The following PRG2 variants were observed in gnomAD, a reference collection of about 807,000 sequenced individuals.
PRG2 encodes the protein bone marrow proteoglycan.
A neutral mutation model predicts 24.7 loss-of-function variants in PRG2; 23 were observed. The observed-to-expected ratio is 0.93, with a 90% CI of 0.67 to 1.32. The LOEUF is 1.32. PRG2 is among the 40% of genes most tolerant of loss of function. PRG2 has a pLI of 0.00. For missense variants in PRG2, 271 were observed against 280.9 expected (o/e 0.96, Z 0.25); for synonymous variants, 104 against 99.8 (o/e 1.04, Z -0.25).
intron 4 of PRG2, among the ~76,000 whole-genome samples, chr11:57,388,166 TTTTA>T (rs746597872): frequency 4.0e-5 from 6 of 151,762 alleles, no homozygotes; most frequent in African/African-American, 7.2e-5. Flanking sequence ...TTTTTTTTTA[TTTTA>T]TTTATTTATT....
At chr11:57,389,757 T>C (rs1857122187) in intron 2 of PRG2, 130 bp downstream of exon 2, 8 of 819,378 alleles carry the variant, frequency 9.8e-6, no homozygotes, top group East Asian at 5.3e-5. Flanking sequence ...AGAGTCCCCA[T>C]CCCTTTAAGC....
intron 3 of PRG2, 30 bp from the exon 4 acceptor site, chr11:57,388,738 G>C (rs755042487): frequency 1.9e-6 from 3 of 1,610,618 alleles, no homozygotes; most frequent in Non-Finnish European, 1.7e-6. Flanking sequence ...ACAAAGAATG[G>C]AGCATCCTTC....
At position 57,389,098 on chromosome 11, in the gene PRG2, T is replaced by C; in HGVS notation, c.278A>G (p.Glu93Gly). Residue 93 changes from glutamate (E) to glycine (G), a missense_variant, in exon 3 of 6, where the codon GAG becomes GGG. By Grantham distance (98) the Glu-to-Gly change is moderately conservative. Transcript: ENST00000311862. ...GATGCCCACCACTTTTACTGTGTCC[T>C]CTTCCTCAGGACACGTAAGGTTTTT... Reference protein sequence around the residue: ...VDKNLTCPEEEDTVKVVGIPG... With the variant: ...VDKNLTCPEEGDTVKVVGIPG... 1 of 1,614,204 alleles carries C rather than the reference T, an allele frequency of 6.2e-7. No individual in the cohort carries two copies. The highest frequency in any genetic ancestry group is 8.5e-7 in the Non-Finnish European group (1 of 1,180,042).
intron 5 of PRG2, 51 bp downstream of exon 5, chr11:57,387,703 C>T (rs1485381383): frequency 2.1e-6 from 3 of 1,458,806 alleles, no homozygotes; most frequent in Non-Finnish European, 2.8e-6. Flanking sequence ...CTCCTTGGGG[C>T]ACTTCCCATC....
intron 3 of PRG2, 68 bp downstream of exon 3, chr11:57,388,942 G>A: frequency 1.3e-6 from 2 of 1,543,134 alleles, no homozygotes; most frequent in South Asian, 2.5e-5. Context: ...GCCAGTGATA[G>A]CAATGCTGGG....
At position 57,388,678 on chromosome 11, in the gene PRG2, G is replaced by T; in HGVS notation, c.397C>A (p.Leu133Met). The change falls in exon 4 of 6, where the codon CTG (leucine) becomes ATG (methionine). Residue 133 changes from leucine (L) to methionine (M), a missense_variant. Transcript: ENST00000311862. ...FTCRRCYRGNLVSIHNFNINY... is the reference protein window; with the variant it reads ...FTCRRCYRGNMVSIHNFNINY... ...ATATTGAAGTTGTGGATGGAAACCA[G>T]GTTGCCCCTGTAGCACCTCCGGCAA... 2 of 1,614,078 alleles carry T rather than the reference G, an allele frequency of 1.2e-6. No individual in the cohort carries two copies. The highest frequency in any genetic ancestry group is 2.2e-5 in the South Asian group (2 of 91,080).
In PRG2 at chr11:57,389,337, A is replaced by T; in HGVS notation, c.59-20T>A. On this transcript the variant is annotated intron_variant, in intron 2 of 5. Coordinates refer to ENST00000311862, the MANE Select transcript of PRG2 (RefSeq NM_002728.6). ...CAGACCCTGGCAGGGAGGATAGCTA[A>T]GTGTCCTTCCTTCACATCTCCCCTT... 6.2e-7 allele frequency: 1 copy of T among 1,602,128 alleles called. No individual in the cohort carries two copies. The highest frequency in any genetic ancestry group is 8.5e-7 in the Non-Finnish European group (1 of 1,177,110).
rs752417300 is a variant in PRG2, at chr11:57,388,679, G to A, written c.396C>T (p.Asn132=). Residue 132 remains asparagine, a synonymous_variant, in exon 4 of 6, where the codon AAC becomes AAT. Transcript: ENST00000311862. ...TATTGAAGTTGTGGATGGAAACCAG[G>A]TTGCCCCTGTAGCACCTCCGGCAAG... ...WFTCRRCYRG[N]LVSIHNFNIN... is the part of the protein sequence containing the mutation. 2 of 1,614,070 alleles carry A rather than the reference G, an allele frequency of 1.2e-6. No individual in the cohort carries two copies. Among genetic ancestry groups the A allele is most frequent in the Non-Finnish European group, 1.7e-6 (2 of 1,179,974 alleles).
At chr11:57,387,971 C>G (rs1305797565) in intron 4 of PRG2, 106 bp from the exon 5 acceptor site, 1 of 774,566 alleles carries the variant, frequency 1.3e-6, no homozygotes, top group African/African-American at 1.8e-5. Context: ...GGCAATGGGC[C>G]CTTCCCTGCT....
chr11:57,388,788 TTCCC>T, intron 3 of PRG2, 80 bp from the exon 4 acceptor site: 1 of 1,555,570 alleles, frequency 6.4e-7, no homozygotes. Flanking sequence ...CCACAATTCA[TTCCC>T]TCCCTCCCCT....
rs1209569841 is a variant in PRG2 at position 57,388,635 on chromosome 11, C to T, written c.440G>A (p.Cys147Tyr). ...ACCCTGGTTGAGCGCGCTGACAGAA[C>T]ACTGGATTCGATAATTAATATTGAA... is the stretch of plus-strand genomic sequence containing the variant. ...HNFNINYRIQ[C>Y]SVSALNQGQV... is the part of the protein sequence containing the mutation. Residue 147 changes from cysteine (C) to tyrosine (Y), a missense_variant, in exon 4 of 6, where the codon TGT becomes TAT. Transcript: ENST00000311862. The T allele has an allele frequency of 1.2e-6, 2 of 1,614,058 alleles. No homozygotes were observed. Among genetic ancestry groups the T allele is most frequent in the Non-Finnish European group, 1.7e-6 (2 of 1,179,932 alleles).
intron 4 of PRG2, 84 bp downstream of exon 4, chr11:57,388,493 G>A (rs1257729018): frequency 1.3e-6 from 2 of 1,573,094 alleles, no homozygotes; most frequent in Non-Finnish European, 1.7e-6. Flanking sequence ...GATTATACAG[G>A]AGAAAAACAG....
intron 2 of PRG2, among the ~76,000 whole-genome samples, 166 bp from the exon 3 acceptor site, chr11:57,389,483 G>C (rs1436457484): frequency 6.6e-6 from 1 of 152,216 alleles, no homozygotes; most frequent in Non-Finnish European, 1.5e-5. Flanking sequence ...TGCCTGACAA[G>C]GTCAAGGTGG....
chr11:57,388,968 C>A, intron 3 of PRG2, 42 bp downstream of exon 3: 2 of 1,590,740 alleles, frequency 1.3e-6, no homozygotes, highest in South Asian at 2.3e-5. Context: ...ATCCCACACC[C>A]GTTCCATGCT....
At chr11:57,387,670 G>T in intron 5 of PRG2, 84 bp downstream of exon 5, 5 of 1,377,518 alleles carry the variant, frequency 3.6e-6, no homozygotes, top group Non-Finnish European at 5.0e-6. Flanking sequence ...TCCCACAAAG[G>T]GTCAGGCTCT....
At chr11:57,388,456 T>G in intron 4 of PRG2, 121 bp downstream of exon 4, 1 of 1,442,694 alleles carries the variant, frequency 6.9e-7, no homozygotes, top group Non-Finnish European at 9.4e-7. Context: ...TGTCTGTGGG[T>G]GTCCATCTAT....
chr11:57,387,561 T>C (rs1289819500), intron 5 of PRG2, 28 bp from the exon 6 acceptor site: 1 of 1,604,446 alleles, frequency 6.2e-7, no homozygotes, highest in Admixed American at 1.7e-5. Context: ...AAAGGGACTT[T>C]CAGCCTCTTG....
chr11:57,387,744 C>A lies in PRG2; in HGVS notation c.610+10G>T, dbSNP rs1336013709. On this transcript the variant is annotated intron_variant, in intron 5 of 5. Transcript: ENST00000311862. ...GACCTTTCCATCGTTCATCCCCAGC[C>A]CCACCTCACCTCGGGTACACAGGGC... 1.3e-6 allele frequency: 2 copies of A among 1,555,650 alleles called. No homozygotes were observed. The highest frequency in any genetic ancestry group is 2.4e-5 in the South Asian group (2 of 82,966).
In PRG2 at chr11:57,387,345, C is replaced by A; in HGVS notation, c.*130G>T. On this transcript the variant is annotated 3_prime_UTR_variant, in exon 6 of 6. Coordinates refer to ENST00000311862, the MANE Select transcript of PRG2 (RefSeq NM_002728.6). Reference sequence around the variant, plus strand: ...GGGCTAAGCAGAGTGGATCCGCGATCAGAGGAGAAAATAAATCCATTTCAG... The same window carrying A: ...GGGCTAAGCAGAGTGGATCCGCGATAAGAGGAGAAAATAAATCCATTTCAG... 1 of 795,382 alleles carries A rather than the reference C, an allele frequency of 1.3e-6. No individual in the cohort carries two copies. The highest frequency in any genetic ancestry group is 2.5e-5 in the East Asian group (1 of 39,762). The allele number at this position is 795,382 out of a possible 1,614,324, so 49.3% of individuals were successfully genotyped here. A position where few individuals can be genotyped will look rare whatever the true frequency, so the allele number is the denominator to read the frequency against.
Sources: allele counts gnomAD v4.1 joint callset (sites outside exome capture counted in the v4.1 genomes callset), GRCh38; gene constraint gnomAD v4.1.1; transcripts MANE v1.5; gene names NCBI Gene and HGNC (gene_info 2026-07-23, HGNC 2026-07-21).